Variants in ACLY observed in about 807,000 individuals in gnomAD.
The protein encoded by ACLY is ATP citrate lyase.
A neutral mutation model predicts 133.0 loss-of-function variants in ACLY; 41 were observed. The observed-to-expected ratio is 0.31, with a 90% confidence interval of 0.24 to 0.40. The LOEUF (loss-of-function observed/expected upper bound fraction) is 0.40, where lower values mean the gene tolerates loss of function less well. Among genes scored for constraint, ACLY ranks in the 10% least tolerant of loss-of-function variants. The pLI is 1.00. For synonymous variants in ACLY, 495 were observed against 549.3 expected (o/e 0.90, Z 1.38); for missense variants, 1,046 against 1,453.8 (o/e 0.72, Z 4.56).
Position 41,909,521 on chromosome 17 carries a change from T to C in ACLY, c.525A>G (p.Glu175=), listed in dbSNP as rs2304497. ...CCCTCTCACTCAACTCTTTCTTGTC[T>C]TCAGGGGCGTGGACCAACAGGTGTT... The part of the protein sequence containing the change: ...IKKHLLVHAP[E]DKKEILASFI... The change falls in exon 5 of 29, where the codon GAA becomes GAG. Residue 175 remains glutamate, a synonymous_variant. Coordinates refer to ENST00000352035, the MANE Select transcript of ACLY (RefSeq NM_001096.3). 7.4e-6 allele frequency: 12 copies of C among 1,614,000 alleles called. No homozygotes were observed. The highest frequency in any genetic ancestry group is 1.0e-5 in the Non-Finnish European group (12 of 1,179,932).
intron 16 of ACLY, among the ~76,000 whole-genome samples, chr17:41,887,957 G>A (rs1392159861): frequency 3.3e-5 from 5 of 151,868 alleles, no homozygotes; most frequent in African/African-American, 7.3e-5. Flanking sequence ...GCAAAACCCC[G>A]TCTCTACTAA....
At chr17:41,915,231 G>A (rs1383169371) in intron 1 of ACLY, among the ~76,000 whole-genome samples, 2 of 152,216 alleles carry the variant, frequency 1.3e-5, no homozygotes, top group African/African-American at 4.8e-5. Context: ...ACTGAGCTGG[G>A]GAGGGGAATC....
At chr17:41,887,366 A>C (rs961319316) in intron 17 of ACLY, among the ~76,000 whole-genome samples, 1 of 151,874 alleles carries the variant, frequency 6.6e-6, no homozygotes, top group Non-Finnish European at 1.5e-5. Context: ...TTGAACCCGG[A>C]AGCGGAGGTT....
In ACLY at chr17:41,871,693, T is replaced by C. The variant is rs1283960091; in HGVS notation, c.2933A>G (p.Lys978Arg). The C allele has an allele frequency of 6.2e-7, 1 of 1,613,958 alleles. No individual in the cohort carries two copies. The highest frequency in any genetic ancestry group is 2.2e-5 in the East Asian group (1 of 44,886). Residue 978 changes from lysine to arginine, a missense_variant, in exon 25 of 29, where the codon AAG becomes AGG. By Grantham distance (26) the Lys-to-Arg change is conservative. Transcript: ENST00000352035. ...KLIMGIGHRV[K>R]SINNPDMRVQ... ...TTTAGGAGAGTAACAACTCACCGAC[T>C]TCACTCGGTGACCAATGCCCATGAT...
chr17:41,870,215 G>A (rs986667261), intron 25 of ACLY: 2 of 152,564 alleles, frequency 1.3e-5, no homozygotes, highest in African/African-American at 2.4e-5. Flanking sequence ...GTGAATGAGT[G>A]AGTGTGGAGT....
At chr17:41,927,515 ATATGG>A (rs2050257768) in intron 1 of ACLY, among the ~76,000 whole-genome samples, 1 of 152,120 alleles carries the variant, frequency 6.6e-6, no homozygotes, top group South Asian at 2.1e-4. Flanking sequence ...TAATTTTTGT[ATATGG>A]TATGAGGTAA....
chr17:41,868,712 T>G lies in ACLY; in HGVS notation c.3208A>C (p.Ile1070Leu). The change falls in exon 28 of 29, where the codon ATT becomes CTT. Residue 1070 changes from isoleucine (I) to leucine (L), a missense_variant. By Grantham distance (5) the Ile-to-Leu change is conservative (BLOSUM62 2). This residue lies in a region of ACLY where 205 missense variants were observed against 373.3 expected (regional missense o/e 0.55). Transcript: ENST00000352035. ...AAACAACAACGAATGGACTCACCAA[T>G]GAACCCCATACTCCTTCCCAGCACA... ...IFVLGRSMGF[I>L]GHYLDQKRLK... The G allele has an allele frequency of 6.2e-7, 1 of 1,612,694 alleles. No homozygotes were observed. Among genetic ancestry groups the G allele is most frequent in the East Asian group, 2.2e-5 (1 of 44,838 alleles).
At chr17:41,919,411 C>A (rs1276685054), upstream of ACLY, among the ~76,000 whole-genome samples, 1 of 152,248 alleles carries the variant, frequency 6.6e-6, no homozygotes, top group Non-Finnish European at 1.5e-5. Flanking sequence ...ATCTCGGCCG[C>A]ACCGAATCCG....
intron 16 of ACLY, among the ~76,000 whole-genome samples, chr17:41,891,668 C>A (rs2049216607): frequency 6.6e-6 from 1 of 152,072 alleles, no homozygotes; most frequent in African/African-American, 2.4e-5. Context: ...CAGGCATAAG[C>A]CACCATGCCC....
chr17:41,898,390 G>T (rs1380207390), intron 12 of ACLY, among the ~76,000 whole-genome samples: 1 of 152,214 alleles, frequency 6.6e-6, no homozygotes, highest in Non-Finnish European at 1.5e-5. Flanking sequence ...TGGGATTACA[G>T]GCATGAGCCA....
intron 28 of ACLY, 86 bp from the exon 29 acceptor site, chr17:41,867,990 A>G (rs1597958324): frequency 2.1e-6 from 2 of 960,406 alleles, no homozygotes; most frequent in East Asian, 2.6e-5. Context: ...TCTTTCTAAC[A>G]CACAAAAAAA....
chr17:41,914,403 C>A (rs1029712155), intron 1 of ACLY, among the ~76,000 whole-genome samples: 2 of 152,158 alleles, frequency 1.3e-5, no homozygotes, highest in East Asian at 1.9e-4. Flanking sequence ...TCCCCCACAC[C>A]CAGATTTACC....
intron 16 of ACLY, 106 bp from the exon 17 acceptor site, chr17:41,887,809 G>A: frequency 1.1e-6 from 1 of 908,712 alleles, no homozygotes; most frequent in Admixed American, 2.0e-5. Context: ...CCTCTTCCAG[G>A]GTCCAAGAAC....
At chr17:41,896,194 A>G (rs782152100) in intron 14 of ACLY, among the ~76,000 whole-genome samples, 1 of 152,174 alleles carries the variant, frequency 6.6e-6, no homozygotes, top group Non-Finnish European at 1.5e-5. Flanking sequence ...AATGAGAAGC[A>G]GGGGTGACTT....
At chr17:41,907,623 ACCACCAACCTCCAACC>A (rs1403284588) in intron 6 of ACLY, 51 bp from the exon 7 acceptor site, 9 of 1,597,512 alleles carry the variant, frequency 5.6e-6, no homozygotes, top group African/African-American at 1.3e-5. Flanking sequence ...GGTAGAGACA[ACCACCAACCTCCAACC>A]CCTCCACAAA....
intron 20 of ACLY, among the ~76,000 whole-genome samples, chr17:41,879,860 C>T (rs1453410724): frequency 1.3e-5 from 2 of 151,284 alleles, no homozygotes; most frequent in African/African-American, 2.4e-5. Flanking sequence ...GGACTACAGG[C>T]GTATGCCACC....
rs1555626665 is a variant in ACLY at position 41,878,862 on chromosome 17, G to A, written c.2328C>T (p.Asn776=). 1.2e-6 allele frequency: 2 copies of A among 1,614,074 alleles called. No homozygotes were observed. Among genetic ancestry groups the A allele is most frequent in the Non-Finnish European group, 1.7e-6 (2 of 1,179,994 alleles). ...ACACTCCTGCTTCCTTCAAAGCCTG[G>A]TTCTTGGCTACTGCAGTTTCAGAAG... is the stretch of plus-strand genomic sequence containing the variant. ...NQASETAVAK[N]QALKEAGVFV... is the part of the protein sequence containing the mutation. Residue 776 remains asparagine (N), a synonymous_variant, in exon 21 of 29, where the codon AAC becomes AAT. Transcript: ENST00000352035.
Position 41,887,688 on chromosome 17 carries a change from T to C in ACLY, c.1786A>G (p.Ile596Val), listed in dbSNP as rs1555628513. 2 of 1,613,668 alleles carry C rather than the reference T, an allele frequency of 1.2e-6. No individual in the cohort carries two copies. Among genetic ancestry groups the C allele is most frequent in the Admixed American group, 3.3e-5 (2 of 60,000 alleles). ...MNYAQIRTIAIIAEGIPEALT... is the reference protein window; with the variant it reads ...MNYAQIRTIAVIAEGIPEALT... Reference sequence around the variant, plus strand: ...GCCTCAGGGATGCCTTCAGCTATGATGGCGATGGTCCGGATCTAGAGGATG... The same window carrying C: ...GCCTCAGGGATGCCTTCAGCTATGACGGCGATGGTCCGGATCTAGAGGATG... Residue 596 changes from isoleucine (I) to valine (V), a missense_variant, in exon 17 of 29, where the codon ATC becomes GTC. By Grantham distance (29) the Ile-to-Val change is conservative (BLOSUM62 3). Coordinates refer to ENST00000352035, the MANE Select transcript of ACLY (RefSeq NM_001096.3).
upstream of ACLY, among the ~76,000 whole-genome samples, chr17:41,919,818 A>G (rs1262311330): frequency 6.6e-6 from 1 of 152,198 alleles, no homozygotes; most frequent in Non-Finnish European, 1.5e-5. Context: ...TCCAAACCAA[A>G]AACTGGGACA....
Sources: gnomAD v4.1 joint callset for allele counts (sites outside exome capture counted in the v4.1 genomes callset) on GRCh38, gnomAD v4.1.1 for gene constraint, gnomAD v4.1.1 regional missense constraint, MANE v1.5 for transcripts, NCBI Gene and HGNC (gene_info 2026-07-23, HGNC 2026-07-21) for gene names.